Variants in TUSC3 observed in about 807,000 individuals in gnomAD.
The protein encoded by TUSC3 is tumor suppressor candidate 3, also known as dolichyl-diphosphooligosaccharide--protein glycosyltransferase subunit TUSC3.
Under a neutral mutation model 44.8 loss-of-function variants are expected in TUSC3, and 45 were observed. That is an observed-to-expected ratio of 1.00 (90% CI 0.79 to 1.29). The LOEUF is 1.29. TUSC3 is among the 50% of genes most tolerant of loss of function. TUSC3 has a pLI of 0.00. For synonymous variants in TUSC3, 212 were observed against 152.9 expected (o/e 1.39, Z -2.85); for missense variants, 519 against 437.9 (o/e 1.19, Z -1.65).
intron 2 of TUSC3, among the ~76,000 whole-genome samples, chr8:15,638,182 G>A (rs548220284): frequency 2.7e-5 from 4 of 150,056 alleles, no homozygotes; most frequent in Non-Finnish European, 4.4e-5. Context: ...CCCGTATTTC[G>A]CCTCTGCTAG....
chr8:15,782,254 C>T, the TUSC3 span, among the ~76,000 whole-genome samples: 1 of 152,190 alleles, frequency 6.6e-6, no homozygotes, highest in Non-Finnish European at 1.5e-5. Flanking sequence ...AGGAGAATTG[C>T]TTGAGGCTGG....
At chr8:15,515,752 C>A (rs1189327063) in intron 2 of TUSC3, among the ~76,000 whole-genome samples, 1 of 152,120 alleles carries the variant, frequency 6.6e-6, no homozygotes, top group Non-Finnish European at 1.5e-5. Flanking sequence ...ACTGCAACCT[C>A]TCCCTCCCAG....
the TUSC3 span, among the ~76,000 whole-genome samples, chr8:15,829,707 G>T: frequency 1.3e-5 from 2 of 151,984 alleles, no homozygotes; most frequent in Admixed American, 6.5e-5. Context: ...ATTTTCCAGT[G>T]AGTTTTTCTA....
chr8:15,703,877 G>C (rs1809505739), intron 6 of TUSC3, among the ~76,000 whole-genome samples: 1 of 152,066 alleles, frequency 6.6e-6, no homozygotes, highest in Non-Finnish European at 1.5e-5. Context: ...CCATAGCACT[G>C]TATTCATTAG....
At chr8:15,475,172 C>T (rs1250780503) in intron 1 of TUSC3, among the ~76,000 whole-genome samples, 1 of 152,086 alleles carries the variant, frequency 6.6e-6, no homozygotes, top group South Asian at 2.1e-4. Context: ...CTTAAACTAT[C>T]CTATTTAGTC....
At chr8:15,632,425 G>T (rs1041603062) in intron 2 of TUSC3, among the ~76,000 whole-genome samples, 4 of 152,106 alleles carry the variant, frequency 2.6e-5, no homozygotes, top group African/African-American at 9.7e-5. Flanking sequence ...ATATTAGCTT[G>T]TTCATATACC....
intron 2 of TUSC3, among the ~76,000 whole-genome samples, chr8:15,527,847 G>T (rs1012665381): frequency 6.6e-6 from 1 of 152,034 alleles, no homozygotes; most frequent in East Asian, 1.9e-4. Context: ...TAAACATTCC[G>T]TATACATTCT....
chr8:15,738,856 G>T, intron 7 of TUSC3, among the ~76,000 whole-genome samples: 1 of 53,104 alleles, frequency 1.9e-5, no homozygotes. Flanking sequence ...TTTTTGAGAG[G>T]GAGTCTCACT....
At chr8:15,665,519 T>C (rs1482086241) in intron 5 of TUSC3, among the ~76,000 whole-genome samples, 1 of 151,044 alleles carries the variant, frequency 6.6e-6, no homozygotes, top group Non-Finnish European at 1.5e-5. Context: ...GACTTAAAGG[T>C]AGGGTAAGAG....
At chr8:15,647,727 C>T (rs372240326) in intron 2 of TUSC3, among the ~76,000 whole-genome samples, 2 of 152,132 alleles carry the variant, frequency 1.3e-5, no homozygotes, top group Non-Finnish European at 1.5e-5. Flanking sequence ...AATTTGGGGT[C>T]TAATTTCAGA....
Position 15,599,138 on chromosome 8 carries a change from A to G in TUSC3, c.139-23942A>G, listed in dbSNP as rs571800040. ...CAGTGCTCTGGATTTTGGTCATTCT[A>G]ATAGGTTTATAATTGTCTTAATTTG... On this transcript the variant is annotated intron_variant, in intron 1 of 10. Transcript: ENST00000503731. Among the ~76,000 whole-genome samples, 8 of 151,954 alleles carry G rather than the reference A, an allele frequency of 5.3e-5. No homozygotes were observed. In the South Asian group the frequency reaches 1.5e-3, roughly 28 times the overall value.
intron 2 of TUSC3, among the ~76,000 whole-genome samples, chr8:15,489,930 C>A (rs11992922): frequency 0.027 from 4,163 of 152,180 alleles, 198 homozygotes; most frequent in African/African-American, 0.094. Flanking sequence ...TCTGATATGG[C>A]TAGAAAATCC....
At chr8:15,848,140 G>C in the TUSC3 span, among the ~76,000 whole-genome samples, 10 of 151,950 alleles carry the variant, frequency 6.6e-5, no homozygotes, top group East Asian at 1.9e-4. Context: ...CCCGAGTGAA[G>C]TAAGCATATA....
chr8:15,758,019 A>T, intron 10 of TUSC3, 164 bp downstream of exon 10: 7 of 1,424,302 alleles, frequency 4.9e-6, no homozygotes, highest in Non-Finnish European at 6.4e-6. Flanking sequence ...TATTATGTTT[A>T]TCTGCCACAG....
intron 1 of TUSC3, among the ~76,000 whole-genome samples, chr8:15,422,210 T>G (rs954009410): frequency 5.3e-5 from 8 of 152,226 alleles, no homozygotes; most frequent in African/African-American, 1.9e-4. Context: ...ATTAATCTCA[T>G]GTTACTATTC....
At chr8:15,702,206 G>A (rs1809437443) in intron 6 of TUSC3, among the ~76,000 whole-genome samples, 1 of 152,140 alleles carries the variant, frequency 6.6e-6, no homozygotes, top group African/African-American at 2.4e-5. Context: ...CTTTTCATAG[G>A]TACTTCAGAT....
intron 1 of TUSC3, among the ~76,000 whole-genome samples, chr8:15,437,079 C>A (rs1799957259): frequency 6.6e-6 from 1 of 152,032 alleles, no homozygotes; most frequent in Non-Finnish European, 1.5e-5. Context: ...GGAAATTAGT[C>A]TTTTGAGTCA....
intron 2 of TUSC3, among the ~76,000 whole-genome samples, chr8:15,625,102 C>T (rs1467963702): frequency 6.6e-6 from 1 of 152,160 alleles, no homozygotes; most frequent in East Asian, 1.9e-4. Flanking sequence ...TTTTTGTTGT[C>T]ACTTTATGTA....
At chr8:15,472,805 T>G (rs1159356785) in intron 1 of TUSC3, among the ~76,000 whole-genome samples, 1 of 152,218 alleles carries the variant, frequency 6.6e-6, no homozygotes, top group Non-Finnish European at 1.5e-5. Context: ...TTTTCAAATA[T>G]TTTATGCCAT....
Sources: allele counts gnomAD v4.1 joint callset (sites outside exome capture counted in the v4.1 genomes callset), GRCh38; gene constraint gnomAD v4.1.1; transcripts MANE v1.5; gene names NCBI Gene and HGNC (gene_info 2026-07-23, HGNC 2026-07-21).